The following BID variants were observed in gnomAD, a reference collection of about 807,000 sequenced individuals.
The protein encoded by BID is BH3-interacting domain death agonist.
In BID, 19 loss-of-function variants were observed where a neutral mutation model predicts 17.4. The ratio of observed to expected loss-of-function variants is 1.09; its 90% CI spans 0.76 to 1.60. The LOEUF (loss-of-function observed/expected upper bound fraction) is 1.60. Ranked by LOEUF, BID falls within the 40% of genes most tolerant of loss-of-function variation. The pLI is 0.00. For missense variants in BID, 226 were observed against 256.0 expected (o/e 0.88, Z 0.80); for synonymous variants, 108 against 102.8 (o/e 1.05, Z -0.31).
In BID at chr22:17,751,477, G is replaced by C. The variant is rs919948713; in HGVS notation, c.-58-1303C>G. 5.5e-4 allele frequency among the ~76,000 whole-genome samples: 83 copies of C among 151,868 alleles called. 1 individual carries two copies. Among genetic ancestry groups the C allele is most frequent in the Admixed American group, 8.5e-4 (13 of 15,240 alleles). On this transcript the variant is annotated intron_variant, in intron 1 of 5. Transcript: ENST00000622694. ...TTTGCCTGTGTGTGTGTGTGTGTGCGTGTGTGTGTGTAGACACAATATCAG... is the reference window on the plus strand; with the variant it reads ...TTTGCCTGTGTGTGTGTGTGTGTGCCTGTGTGTGTGTAGACACAATATCAG...
chr22:17,756,502 CT>C (rs2061591596), intron 1 of BID, among the ~76,000 whole-genome samples: 1 of 139,090 alleles, frequency 7.2e-6, no homozygotes, highest in Non-Finnish European at 1.5e-5. Flanking sequence ...CTTTCTCTCT[CT>C]CTTTCTGTCT....
At chr22:17,763,974 C>T (rs1243053272) in intron 1 of BID, among the ~76,000 whole-genome samples, 1 of 152,102 alleles carries the variant, frequency 6.6e-6, no homozygotes, top group Non-Finnish European at 1.5e-5. Context: ...CAAAACTCCC[C>T]CATAAACCTA....
At position 17,756,469 on chromosome 22, in the gene BID, T is replaced by C. The variant is rs1248018268; in HGVS notation, c.-58-6295A>G. Among the ~76,000 whole-genome samples, 5 of 103,174 alleles carry C rather than the reference T, an allele frequency of 4.8e-5. No homozygotes were observed. In the South Asian group the frequency reaches 7.6e-4, roughly 16 times the overall value. The allele number at this position is 103,174 out of a possible 152,430, so 67.7% of individuals were successfully genotyped here. A position where few individuals can be genotyped will look rare whatever the true frequency, so the allele number is the denominator to read the frequency against. The stretch of plus-strand genomic sequence containing the variant: ...TTTCTTTCTTTCTTTCTTTCTTTCT[T>C]TCTTTCTTTTCTTTCTTTCTTTCTT... On this transcript the variant is annotated intron_variant, in intron 1 of 5. Coordinates refer to ENST00000622694, the MANE Select transcript of BID (RefSeq NM_001196.4).
intron 1 of BID, among the ~76,000 whole-genome samples, chr22:17,756,968 G>A (rs1476178638): frequency 6.6e-6 from 1 of 151,868 alleles, no homozygotes; most frequent in Non-Finnish European, 1.5e-5. Context: ...GCCTCCTTAT[G>A]CTTCTTTGAC....
In BID at chr22:17,755,082, C is replaced by CT. The variant is rs59654004; in HGVS notation, c.-58-4909dup. 2.3e-3 allele frequency among the ~76,000 whole-genome samples: 229 copies of CT among 99,264 alleles called. No individual in the cohort carries two copies. The Middle Eastern group carries it at 0.023, about 10-fold the overall frequency. The allele number at this position is 99,264 out of a possible 152,430, so 65.1% of individuals were successfully genotyped here. A position where few individuals can be genotyped will look rare whatever the true frequency, so the allele number is the denominator to read the frequency against. On this transcript the variant is annotated intron_variant, in intron 1 of 5. Coordinates refer to ENST00000622694, the MANE Select transcript of BID (RefSeq NM_001196.4). ...TGGCCTGAATTTCTTTTTTTCTTTT[C>CT]TTTTTTTTTTTTTTTTTTTTGAGTC...
chr22:17,768,034 C>G (rs2061690965), intron 1 of BID, among the ~76,000 whole-genome samples: 1 of 152,186 alleles, frequency 6.6e-6, no homozygotes, highest in Admixed American at 6.5e-5. Context: ...TCACAAAAGA[C>G]CACGTAGTGT....
intron 1 of BID, among the ~76,000 whole-genome samples, chr22:17,753,262 A>C (rs2061555276): frequency 6.6e-6 from 1 of 152,154 alleles, no homozygotes; most frequent in African/African-American, 2.4e-5. Context: ...CACCGCGCCC[A>C]GCCCCCCAAT....
chr22:17,762,660 C>T (rs1395238854), intron 1 of BID, among the ~76,000 whole-genome samples: 3 of 152,026 alleles, frequency 2.0e-5, no homozygotes, highest in Non-Finnish European at 2.9e-5. Context: ...AAGTGATCCT[C>T]CTGCCTCAGC....
At chr22:17,755,405 G>C (rs1395485982) in intron 1 of BID, among the ~76,000 whole-genome samples, 1 of 152,198 alleles carries the variant, frequency 6.6e-6, no homozygotes, top group East Asian at 1.9e-4. Context: ...GTGCCATTTG[G>C]GTCAGGGCTG....
At chr22:17,738,656 C>T (rs1000955679) in intron 4 of BID, among the ~76,000 whole-genome samples, 8 of 152,116 alleles carry the variant, frequency 5.3e-5, no homozygotes, top group African/African-American at 1.7e-4. Flanking sequence ...AGGCGGTCGG[C>T]GCACATGCAG....
In BID at chr22:17,737,985, G is replaced by A. The variant is rs748906450; in HGVS notation, c.576+32C>T. On this transcript the variant is annotated intron_variant, in intron 5 of 5. Transcript: ENST00000622694. ...CCAGAGAAAAGGGCATGGGCGGCAG[G>A]CAGGGAAGGAGCTGACCTCAAGGGT... is the stretch of plus-strand genomic sequence containing the variant. The A allele has an allele frequency of 1.1e-5, 18 of 1,607,890 alleles. 2 individuals are homozygous for A. The highest frequency in any genetic ancestry group is 1.4e-5 in the Non-Finnish European group (17 of 1,174,550).
chr22:17,745,146 G>A (rs536377929), intron 2 of BID, among the ~76,000 whole-genome samples: 2 of 152,204 alleles, frequency 1.3e-5, no homozygotes, highest in East Asian at 3.9e-4. Flanking sequence ...CGCTTCCTGG[G>A]TTCAAATGAT....
At chr22:17,774,109 T>G in intron 1 of BID, 2 of 190,606 alleles carry the variant, frequency 1.0e-5, no homozygotes, top group Non-Finnish European at 1.1e-5. Flanking sequence ...CAACAAAGCC[T>G]TCCCCGCCTC....
chr22:17,767,946 A>G (rs1284585945), intron 1 of BID, among the ~76,000 whole-genome samples: 3 of 152,236 alleles, frequency 2.0e-5, no homozygotes, highest in Non-Finnish European at 2.9e-5. Flanking sequence ...TAAAAAATGA[A>G]GGAAACATTG....
chr22:17,742,811 C>A (rs1021239231), intron 3 of BID, among the ~76,000 whole-genome samples: 1 of 152,252 alleles, frequency 6.6e-6, no homozygotes, highest in Non-Finnish European at 1.5e-5. Context: ...TGAAAGCCAG[C>A]GTCGCAGGGC....
chr22:17,739,838 G>A, intron 3 of BID: 3 of 601,392 alleles, frequency 5.0e-6, no homozygotes, highest in Non-Finnish European at 8.8e-6. Flanking sequence ...AACAGGGTTG[G>A]CCTTGGCCTG....
chr22:17,752,963 TC>T (rs2061551554), intron 1 of BID, among the ~76,000 whole-genome samples: 3 of 51,564 alleles, frequency 5.8e-5, no homozygotes, highest in African/African-American at 7.5e-5. Flanking sequence ...CCGCGCCCAG[TC>T]TTTTTTTTTT....
chr22:17,741,285 G>A (rs2061457214), intron 3 of BID: 1 of 152,200 alleles, frequency 6.6e-6, no homozygotes, highest in Non-Finnish European at 1.5e-5. Context: ...TAGAAGCTGT[G>A]CTCTGGGGGT....
intron 2 of BID, 53 bp downstream of exon 2, chr22:17,750,052 T>TA (rs1322856021): frequency 6.4e-7 from 1 of 1,560,020 alleles, no homozygotes; most frequent in African/African-American, 1.4e-5. Context: ...CGCAGGCCCT[T>TA]ACCCCTCGAC....
Sources: allele counts gnomAD v4.1 joint callset (sites outside exome capture counted in the v4.1 genomes callset), GRCh38; gene constraint gnomAD v4.1.1; transcripts MANE v1.5; gene names NCBI Gene and HGNC (gene_info 2026-07-23, HGNC 2026-07-21).